The following CPVL variants were observed in gnomAD, a reference collection of about 807,000 sequenced individuals.
The protein encoded by CPVL is carboxypeptidase vitellogenic like, also known as probable serine carboxypeptidase CPVL.
CPVL carries 51 observed loss-of-function variants against 63.7 expected under a neutral mutation model. The ratio of observed to expected loss-of-function variants is 0.80; its 90% CI spans 0.64 to 1.01. The LOEUF (loss-of-function observed/expected upper bound fraction) is 1.01. Among genes scored for constraint, CPVL ranks in the 50% least tolerant of loss-of-function variants. The probability of loss-of-function intolerance (pLI) is 0.00; values close to 1 mark genes in which losing one functional copy is unlikely to be tolerated. For missense variants in CPVL, 530 were observed against 573.1 expected (o/e 0.92, Z 0.77); for synonymous variants, 195 against 206.0 (o/e 0.95, Z 0.46).
intron 12 of CPVL, among the ~76,000 whole-genome samples, chr7:29,002,556 A>G (rs548382228): frequency 6.6e-6 from 1 of 152,232 alleles, no homozygotes; most frequent in Non-Finnish European, 1.5e-5. Context: ...TAAGGAGAAA[A>G]AAAGATAACA....
intron 1 of CPVL, among the ~76,000 whole-genome samples, chr7:29,125,280 A>G (rs896655784): frequency 6.6e-6 from 1 of 152,028 alleles, no homozygotes; most frequent in Non-Finnish European, 1.5e-5. Flanking sequence ...TCTTCAGATT[A>G]GAAAACTTTT....
intron 3 of CPVL, among the ~76,000 whole-genome samples, chr7:29,104,857 C>G (rs1289234719): frequency 6.6e-6 from 1 of 152,134 alleles, no homozygotes; most frequent in Non-Finnish European, 1.5e-5. Flanking sequence ...TACTTTCTCT[C>G]TATGTTATTT....
intron 11 of CPVL, among the ~76,000 whole-genome samples, chr7:29,051,563 C>A (rs1435114516): frequency 6.6e-6 from 1 of 152,080 alleles, no homozygotes; most frequent in Non-Finnish European, 1.5e-5. Context: ...CTCACTCCTG[C>A]AAGGATGGCC....
At chr7:29,062,399 A>G (rs927588339) in intron 11 of CPVL, among the ~76,000 whole-genome samples, 1 of 152,206 alleles carries the variant, frequency 6.6e-6, no homozygotes, top group African/African-American at 2.4e-5. Flanking sequence ...TGTCCCCAAG[A>G]AAACCAAACA....
chr7:29,066,136 A>C lies in CPVL; in HGVS notation c.865-15T>G. On this transcript the variant is annotated splice_polypyrimidine_tract_variant and intron_variant, in intron 9 of 12. Transcript: ENST00000265394. ...TTATCCAGTATCTAGGTTGGGAGAGAGGGAGAAAGAAAGAAAGAAAGAAAA... is the reference window on the plus strand; with the variant it reads ...TTATCCAGTATCTAGGTTGGGAGAGCGGGAGAAAGAAAGAAAGAAAGAAAA... 7.7e-7 allele frequency: 1 copy of C among 1,297,934 alleles called. No individual in the cohort carries two copies. Among genetic ancestry groups the C allele is most frequent in the Non-Finnish European group, 1.1e-6 (1 of 907,858 alleles). 80.4% of individuals were successfully genotyped at this position (1,297,934 alleles called of 1,614,324 possible). A position where few individuals can be genotyped will look rare whatever the true frequency, so the allele number is the denominator to read the frequency against.
chr7:29,144,518 G>A (rs1218241614), intron 1 of CPVL, among the ~76,000 whole-genome samples: 5 of 152,076 alleles, frequency 3.3e-5, no homozygotes, highest in African/African-American at 1.2e-4. Flanking sequence ...CAGAGATGGT[G>A]CCACTCCAGC....
intron 9 of CPVL, 64 bp downstream of exon 9, chr7:29,071,709 A>ACCCCCCCC: frequency 2.1e-6 from 1 of 472,930 alleles, no homozygotes; most frequent in East Asian, 5.8e-5. Context: ...GTTCCTGCTC[A>ACCCCCCCC]CCCGCCCTCC....
intron 7 of CPVL, among the ~76,000 whole-genome samples, chr7:29,080,001 C>G (rs1021515724): frequency 6.6e-6 from 1 of 152,098 alleles, no homozygotes; most frequent in East Asian, 1.9e-4. Context: ...AGAAGCTGTG[C>G]ACAATAGACT....
chr7:29,152,816 C>CA (rs1793786788), intron 5 of CPVL, among the ~76,000 whole-genome samples: 1 of 152,194 alleles, frequency 6.6e-6, no homozygotes, highest in African/African-American at 2.4e-5. Context: ...GCAAGCAAAA[C>CA]AAAATACACT....
chr7:29,108,924 C>A (rs548721849), intron 3 of CPVL, among the ~76,000 whole-genome samples: 1 of 152,290 alleles, frequency 6.6e-6, no homozygotes, highest in Admixed American at 6.5e-5. Flanking sequence ...CACATGACGG[C>A]CAAGCTCAAG....
chr7:29,173,337 G>A (rs990337090), intron 5 of CPVL, among the ~76,000 whole-genome samples: 4 of 152,030 alleles, frequency 2.6e-5, no homozygotes, highest in Non-Finnish European at 5.9e-5. Flanking sequence ...ACTTTCTGCA[G>A]CCATATAATT....
intron 1 of CPVL, among the ~76,000 whole-genome samples, chr7:29,144,326 C>T (rs763371738): frequency 1.9e-4 from 28 of 150,076 alleles, no homozygotes; most frequent in Non-Finnish European, 3.6e-4. Context: ...TTTGGAAGGC[C>T]GAGGTGGGAG....
At chr7:29,065,213 A>C (rs1300025957) in intron 10 of CPVL, among the ~76,000 whole-genome samples, 1 of 152,240 alleles carries the variant, frequency 6.6e-6, no homozygotes, top group African/African-American at 2.4e-5. Context: ...CTAACTGTGA[A>C]TATATTGTTG....
intron 3 of CPVL, among the ~76,000 whole-genome samples, chr7:29,108,881 G>A (rs1216585484): frequency 6.6e-6 from 1 of 152,192 alleles, no homozygotes; most frequent in African/African-American, 2.4e-5. Flanking sequence ...CTATACTCAA[G>A]TGCCTTCCAT....
intron 12 of CPVL, among the ~76,000 whole-genome samples, chr7:29,019,262 C>T (rs1305837806): frequency 6.6e-6 from 1 of 151,404 alleles, no homozygotes; most frequent in East Asian, 1.9e-4. Flanking sequence ...ATTTGACAGA[C>T]GCTCAGAAAG....
intron 3 of CPVL, among the ~76,000 whole-genome samples, chr7:29,104,511 T>C (rs973644596): frequency 6.6e-6 from 1 of 152,200 alleles, no homozygotes; most frequent in African/African-American, 2.4e-5. Flanking sequence ...TCCACCTGCT[T>C]TGGCCTCCCA....
chr7:29,121,332 G>A (rs181602823), intron 1 of CPVL, among the ~76,000 whole-genome samples: 2 of 151,428 alleles, frequency 1.3e-5, no homozygotes, highest in African/African-American at 4.8e-5. Context: ...ACAGAGTCTT[G>A]CTCTGTTGCT....
chr7:29,054,019 A>G (rs1212830388), intron 11 of CPVL, among the ~76,000 whole-genome samples: 2 of 152,088 alleles, frequency 1.3e-5, no homozygotes, highest in African/African-American at 4.8e-5. Flanking sequence ...AGACAGTAAG[A>G]TATGACCACA....
At chr7:29,044,446 A>G (rs1479521891) in intron 11 of CPVL, among the ~76,000 whole-genome samples, 1 of 152,090 alleles carries the variant, frequency 6.6e-6, no homozygotes, top group Non-Finnish European at 1.5e-5. Context: ...GAGTCAGCAA[A>G]GCTTATTTTA....
Sources: allele counts gnomAD v4.1 joint callset (sites outside exome capture counted in the v4.1 genomes callset), GRCh38; gene constraint gnomAD v4.1.1; transcripts MANE v1.5; gene names NCBI Gene and HGNC (gene_info 2026-07-23, HGNC 2026-07-21).